SORCS2: variants seen among roughly 807,000 people sequenced by gnomAD.
SORCS2 encodes sortilin related VPS10 domain containing receptor 2, also known as VPS10 domain-containing receptor SorCS2.
A neutral mutation model predicts 141.6 loss-of-function variants in SORCS2; 100 were observed. The ratio of observed to expected loss-of-function variants is 0.71; its 90% confidence interval spans 0.60 to 0.83. The LOEUF is 0.83. Ranked by LOEUF, SORCS2 falls within the 40% of genes least tolerant of loss-of-function variation. The probability of loss-of-function intolerance (pLI) is 0.00; values close to 1 mark genes in which losing one functional copy is unlikely to be tolerated. For synonymous variants in SORCS2, 789 were observed against 676.9 expected (o/e 1.17, Z -2.57); for missense variants, 1,646 against 1,560.2 (o/e 1.05, Z -0.93).
rs374377289 is a variant in SORCS2, at chr4:7,365,571, C to G, written c.481-30717C>G. ...CAAGAAAGGATCATCAGACAGCACG[C>G]TGATGTGTAAAACAGAGACACGTGG... On this transcript the variant is annotated intron_variant, in intron 1 of 26. Transcript: ENST00000507866. Among the ~76,000 whole-genome samples, 5 of 152,254 alleles carry G rather than the reference C, an allele frequency of 3.3e-5. No homozygotes were observed. The East Asian group carries it at 5.8e-4, about 18-fold the overall frequency.
chr4:7,532,983 G>A (rs902008318), intron 3 of SORCS2, among the ~76,000 whole-genome samples: 2 of 151,408 alleles, frequency 1.3e-5, no homozygotes, highest in African/African-American at 2.4e-5. Context: ...GTGTAGGGAA[G>A]AGAGGTGGGT....
Position 7,276,584 on chromosome 4 carries a change from G to A in SORCS2, c.480+83458G>A, listed in dbSNP as rs138306037. ...TCCTGCCTCCCCCGCTCCAGGCCCC[G>A]GGAAACGCACTGGAAACTCAGGTGG... On this transcript the variant is annotated intron_variant, in intron 1 of 26. Transcript: ENST00000507866. 1.8e-4 allele frequency among the ~76,000 whole-genome samples: 27 copies of A among 152,202 alleles called. No individual in the cohort carries two copies. The East Asian group carries it at 4.1e-3, about 23-fold the overall frequency.
chr4:7,511,477 G>A (rs997225829), intron 2 of SORCS2, among the ~76,000 whole-genome samples: 1 of 150,596 alleles, frequency 6.6e-6, no homozygotes, highest in African/African-American at 2.5e-5. Flanking sequence ...CACAACTTGG[G>A]GGAGGGGGGG....
intron 2 of SORCS2, among the ~76,000 whole-genome samples, chr4:7,519,944 G>T (rs1733220117): frequency 6.6e-6 from 1 of 152,218 alleles, no homozygotes; most frequent in African/African-American, 2.4e-5. Flanking sequence ...ACTTGTAAAG[G>T]AGCTGGGGCA....
chr4:7,603,673 T>G (rs537132024), intron 3 of SORCS2, among the ~76,000 whole-genome samples: 1 of 152,330 alleles, frequency 6.6e-6, no homozygotes, highest in South Asian at 2.1e-4. Context: ...CCTCTCTCTA[T>G]TGTTTCTGTG....
rs540726909 is a variant in SORCS2, at chr4:7,577,806, T to G, written c.648+46177T>G. ...CTAGTGCCATGGTTTGGGGAAGTTA[T>G]ATAGCATACAGGCGAAGTCAGCTAG... On this transcript the variant is annotated intron_variant, in intron 3 of 26. Coordinates refer to ENST00000507866, the MANE Select transcript of SORCS2 (RefSeq NM_020777.3). Among the ~76,000 whole-genome samples, 4 of 150,530 alleles carry G rather than the reference T, an allele frequency of 2.7e-5. No homozygotes were observed. The East Asian group carries it at 7.9e-4, about 30-fold the overall frequency.
At chr4:7,675,793 C>T (rs1014294564) in intron 8 of SORCS2, among the ~76,000 whole-genome samples, 1 of 152,146 alleles carries the variant, frequency 6.6e-6, no homozygotes, top group Non-Finnish European at 1.5e-5. Flanking sequence ...CCCAGGCCAC[C>T]CTCCCATAAC....
intron 2 of SORCS2, among the ~76,000 whole-genome samples, chr4:7,516,279 C>A (rs1732973807): frequency 1.3e-5 from 2 of 152,052 alleles, no homozygotes; most frequent in Non-Finnish European, 2.9e-5. Flanking sequence ...AATGAGAAGG[C>A]CCAGCTGGGC....
chr4:7,492,187 C>T (rs1731357691), intron 2 of SORCS2, among the ~76,000 whole-genome samples: 1 of 152,246 alleles, frequency 6.6e-6, no homozygotes, highest in Non-Finnish European at 1.5e-5. Flanking sequence ...TGCCCACCTC[C>T]CGCCACCTGT....
intron 1 of SORCS2, among the ~76,000 whole-genome samples, chr4:7,350,787 A>G (rs76455976): frequency 0.014 from 2,106 of 152,290 alleles, 47 homozygotes; most frequent in African/African-American, 0.046. Flanking sequence ...GTTCACTGCT[A>G]TTGATTGCTG....
rs1725917172 is a variant in SORCS2, at chr4:7,712,847, C to T, written c.1983C>T (p.Asn661=). ...ACTACAGCTCCTGGGAGCTCTCCAA[C>T]CTGCAGGTGGGCCGGCATGAGGCTG... is the stretch of plus-strand genomic sequence containing the variant. ...EEDYSSWELS[N]LQGDRCIMGQ... is the part of the protein sequence containing the mutation. The change falls in exon 15 of 27, where the codon AAC becomes AAT. Residue 661 remains asparagine, a synonymous_variant. Coordinates refer to ENST00000507866, the MANE Select transcript of SORCS2 (RefSeq NM_020777.3). The T allele has an allele frequency of 2.5e-6, 4 of 1,613,846 alleles. No individual in the cohort carries two copies. The highest frequency in any genetic ancestry group is 3.4e-6 in the Non-Finnish European group (4 of 1,179,866).
At chr4:7,595,040 C>T (rs574720334) in intron 3 of SORCS2, among the ~76,000 whole-genome samples, 45 of 152,276 alleles carry the variant, frequency 3.0e-4, no homozygotes, top group Admixed American at 7.8e-4. Context: ...CAGGCTCGGT[C>T]CCCCATGACT....
intron 1 of SORCS2, among the ~76,000 whole-genome samples, chr4:7,392,911 G>A (rs915424223): frequency 1.7e-5 from 2 of 114,606 alleles, no homozygotes; most frequent in Non-Finnish European, 3.9e-5. Flanking sequence ...GGGGGGGGGG[G>A]TGCTGCGAGA....
intron 3 of SORCS2, among the ~76,000 whole-genome samples, chr4:7,626,313 A>G (rs1285027814): frequency 6.6e-6 from 1 of 152,186 alleles, no homozygotes; most frequent in Non-Finnish European, 1.5e-5. Context: ...TACATTATTT[A>G]TTGGATTTTT....
chr4:7,633,823 C>T (rs1279966686), intron 3 of SORCS2, among the ~76,000 whole-genome samples: 2 of 59,782 alleles, frequency 3.3e-5, no homozygotes, highest in African/African-American at 7.2e-5. Flanking sequence ...CGGCCAGCTC[C>T]GTGTCCTGTT....
At chr4:7,395,670 G>A (rs903363505) in intron 1 of SORCS2, among the ~76,000 whole-genome samples, 14 of 151,920 alleles carry the variant, frequency 9.2e-5, no homozygotes, top group Admixed American at 2.6e-4. Context: ...TGGGCCCCGT[G>A]TGTGATGAAT....
intron 1 of SORCS2, among the ~76,000 whole-genome samples, chr4:7,240,110 C>A (rs992901993): frequency 2.6e-5 from 4 of 152,164 alleles, no homozygotes; most frequent in African/African-American, 4.8e-5. Flanking sequence ...GTCCACCTGA[C>A]GTTGTTGGGC....
intron 19 of SORCS2, among the ~76,000 whole-genome samples, chr4:7,724,133 G>A (rs1444362576): frequency 1.4e-3 from 199 of 142,108 alleles, no homozygotes; most frequent in African/African-American, 3.9e-3. Context: ...GGTGGTGGTG[G>A]TGGTGGTGAT....
At chr4:7,451,137 G>T (rs1305889137) in intron 2 of SORCS2, among the ~76,000 whole-genome samples, 1 of 152,146 alleles carries the variant, frequency 6.6e-6, no homozygotes, top group Non-Finnish European at 1.5e-5. Context: ...AGTGAGTGAG[G>T]GAGTGAAAGA....
Sources: allele counts gnomAD v4.1 joint callset (sites outside exome capture counted in the v4.1 genomes callset), GRCh38; gene constraint gnomAD v4.1.1; transcripts MANE v1.5; gene names NCBI Gene and HGNC (gene_info 2026-07-23, HGNC 2026-07-21).